Variants in NALF1 observed in about 807,000 individuals in gnomAD.
NALF1 encodes NALCN channel auxiliary factor 1, also known as family with sequence similarity 155 member A.
A neutral mutation model predicts 48.4 loss-of-function variants in NALF1; 3 were observed. The ratio of observed to expected loss-of-function variants is 0.06; its 90% CI spans 0.03 to 0.16. The LOEUF is 0.16. NALF1 is among the 10% of genes least tolerant of loss of function. NALF1 has a pLI of 1.00. For synonymous variants in NALF1, 262 were observed against 245.7 expected, an observed-to-expected ratio of 1.07 and a Z score of -0.62; for missense variants, 526 against 571.5, an observed-to-expected ratio of 0.92 and a Z score of 0.81.
At position 107,711,776 on chromosome 13, in the gene NALF1, T is replaced by C. The variant is rs549790114; in HGVS notation, c.915+153906A>G. Among the ~76,000 whole-genome samples, 8 of 152,358 alleles carry C rather than the reference T, an allele frequency of 5.3e-5. No individual in the cohort carries two copies. In the East Asian group the frequency reaches 1.5e-3, roughly 29 times the overall value. On this transcript the variant is annotated intron_variant, in intron 1 of 2. Transcript: ENST00000375915. ...AAATTTCAAACAGCATTCTCAAGACTACTTCTAAAAACTACTACTTCTAGA... is the reference window on the plus strand; with the variant it reads ...AAATTTCAAACAGCATTCTCAAGACCACTTCTAAAAACTACTACTTCTAGA...
intron 1 of NALF1, among the ~76,000 whole-genome samples, chr13:107,751,039 C>T (rs548519451): frequency 6.6e-6 from 1 of 152,290 alleles, no homozygotes; most frequent in South Asian, 2.1e-4. Context: ...TCTCTTTCAA[C>T]TACAAAATGG....
chr13:107,553,022 T>C (rs186819952), intron 1 of NALF1, among the ~76,000 whole-genome samples: 13 of 152,226 alleles, frequency 8.5e-5, no homozygotes, highest in Admixed American at 3.9e-4. Flanking sequence ...CTTCCTTCAG[T>C]TTATAAGATT....
chr13:107,525,298 G>A (rs1204387576), intron 1 of NALF1, among the ~76,000 whole-genome samples: 1 of 151,998 alleles, frequency 6.6e-6, no homozygotes, highest in Non-Finnish European at 1.5e-5. Context: ...TGAAGTTGAT[G>A]GTCAATAATC....
chr13:107,542,927 TA>T (rs1472306872), intron 1 of NALF1, among the ~76,000 whole-genome samples: 14 of 152,112 alleles, frequency 9.2e-5, no homozygotes, highest in African/African-American at 3.4e-4. Context: ...GATAATTATA[TA>T]AATGTTCTTT....
chr13:107,866,310 CGCTGCTGCTGCTGCTGCTGCCGCT>C lies in NALF1; in HGVS notation c.263_286del (p.Gln88_Gln95del), dbSNP rs1293977900. On this transcript the variant is annotated inframe_deletion, in exon 1 of 3. Transcript: ENST00000375915. The surrounding 1 kb of genome is among the most constrained non-coding windows in gnomAD (Gnocchi z 4.4). ...GGGCCAGGAGGGCTCCTGCTGCCGCCGCTGCTGCTGCTGCTGCTGCCGCTGCCTCTGCTGCTGCTGCTGCTGCTG... is the reference window on the plus strand; with the variant it reads ...GGGCCAGGAGGGCTCCTGCTGCCGCCGCCTCTGCTGCTGCTGCTGCTGCTG... 1 of 1,602,868 alleles carries C rather than the reference CGCTGCTGCTGCTGCTGCTGCCGCT, an allele frequency of 6.2e-7. No individual in the cohort carries two copies. The highest frequency in any genetic ancestry group is 1.3e-5 in the African/African-American group (1 of 74,738).
intron 2 of NALF1, among the ~76,000 whole-genome samples, chr13:107,176,105 T>C (rs1235461908): frequency 6.6e-6 from 1 of 152,186 alleles, no homozygotes; most frequent in East Asian, 1.9e-4. Flanking sequence ...GAAGAAATTA[T>C]AAAAACATAT....
chr13:107,345,531 G>A (rs556693380), intron 1 of NALF1, among the ~76,000 whole-genome samples: 114 of 152,192 alleles, frequency 7.5e-4, no homozygotes, highest in African/African-American at 2.6e-3. Context: ...TCTTTGACAA[G>A]CATGCAAAGT....
chr13:107,779,057 C>T (rs1396257888), intron 1 of NALF1, among the ~76,000 whole-genome samples: 1 of 152,102 alleles, frequency 6.6e-6, no homozygotes, highest in Admixed American at 6.6e-5. Flanking sequence ...TTATGAGAAG[C>T]TAATTATTTC....
At chr13:107,771,663 G>A (rs1447743696) in intron 1 of NALF1, among the ~76,000 whole-genome samples, 1 of 152,006 alleles carries the variant, frequency 6.6e-6, no homozygotes, top group Non-Finnish European at 1.5e-5. Context: ...TACTGTTAAG[G>A]GAACAAATTA....
At chr13:107,639,254 A>G (rs1880080602) in intron 1 of NALF1, among the ~76,000 whole-genome samples, 1 of 152,120 alleles carries the variant, frequency 6.6e-6, no homozygotes, top group Non-Finnish European at 1.5e-5. Flanking sequence ...CTTTCATAGT[A>G]TATGGCCTGC....
At chr13:107,660,021 G>T (rs933590750) in intron 1 of NALF1, among the ~76,000 whole-genome samples, 4 of 151,640 alleles carry the variant, frequency 2.6e-5, no homozygotes, top group African/African-American at 9.7e-5. Flanking sequence ...ATGAGCCACC[G>T]CACCTGGCCA....
In NALF1 at chr13:107,784,670, A is replaced by C. The variant is rs564526127; in HGVS notation, c.915+81012T>G. ...AAAATGCTCAACATCATTAATGATC[A>C]GGGAAATGCAAAATAAAACCACAAT... On this transcript the variant is annotated intron_variant, in intron 1 of 2. Transcript: ENST00000375915. 2.6e-5 allele frequency among the ~76,000 whole-genome samples: 4 copies of C among 152,326 alleles called. No individual in the cohort carries two copies. The South Asian group carries it at 8.3e-4, about 32-fold the overall frequency.
chr13:107,537,505 C>T (rs184132397), intron 1 of NALF1, among the ~76,000 whole-genome samples: 3 of 152,046 alleles, frequency 2.0e-5, no homozygotes, highest in African/African-American at 2.4e-5. Context: ...TTTGTCATTG[C>T]CACAATATTT....
At chr13:107,420,781 A>G (rs75215389) in intron 1 of NALF1, among the ~76,000 whole-genome samples, 42 of 152,342 alleles carry the variant, frequency 2.8e-4, no homozygotes, top group African/African-American at 1.0e-3. Context: ...TGGTCAAGTC[A>G]GAGCTTTTGG....
intron 1 of NALF1, among the ~76,000 whole-genome samples, chr13:107,791,178 A>T (rs972165170): frequency 1.3e-5 from 2 of 152,250 alleles, no homozygotes; most frequent in African/African-American, 4.8e-5. Flanking sequence ...TGGTGAGAAT[A>T]TAAAATGGTA....
At position 107,371,891 on chromosome 13, in the gene NALF1, T is replaced by A. The variant is rs1441859616; in HGVS notation, c.916-161136A>T. 2.0e-5 allele frequency among the ~76,000 whole-genome samples: 3 copies of A among 152,252 alleles called. No homozygotes were observed. In the East Asian group the frequency reaches 5.8e-4, roughly 29 times the overall value. ...TTTAGAAATGTCTAAACATATCTTTTGAAATAAAAATTTAATCAAGCTTTT... is the reference window on the plus strand; with the variant it reads ...TTTAGAAATGTCTAAACATATCTTTAGAAATAAAAATTTAATCAAGCTTTT... On this transcript the variant is annotated intron_variant, in intron 1 of 2. Coordinates refer to ENST00000375915, the MANE Select transcript of NALF1 (RefSeq NM_001080396.3).
In NALF1 at chr13:107,233,012, C is replaced by T. The variant is rs549787491; in HGVS notation, c.916-22257G>A. On this transcript the variant is annotated intron_variant, in intron 1 of 2. Coordinates refer to ENST00000375915, the MANE Select transcript of NALF1 (RefSeq NM_001080396.3). Reference sequence around the variant, plus strand: ...GTTGCAAGATTGGATCCAAACGGACCACCTTCAGTCCCCATATTCTTTTCT... The same window carrying T: ...GTTGCAAGATTGGATCCAAACGGACTACCTTCAGTCCCCATATTCTTTTCT... Among the ~76,000 whole-genome samples the T allele has an allele frequency of 1.4e-4, 21 of 152,270 alleles. No homozygotes were observed. The South Asian group carries it at 4.3e-3, about 31-fold the overall frequency.
Position 107,164,996 on chromosome 13 carries a change from A to G in NALF1, c.*5501T>C, listed in dbSNP as rs1351240671. The G allele has an allele frequency of 1.3e-5, 2 of 152,188 alleles. No homozygotes were observed. The highest frequency in any genetic ancestry group is 2.9e-5 in the Non-Finnish European group (2 of 68,052). 9.4% of individuals were successfully genotyped at this position (152,188 alleles called of 1,614,324 possible). ...TAAGCCTCCAATGTTGCCACGAAGT[A>G]TTCTTCTTGCATGAGGTGTCACGTA... On this transcript the variant is annotated 3_prime_UTR_variant, in exon 3 of 3. Transcript: ENST00000375915.
chr13:107,266,784 C>A (rs1378262695), intron 1 of NALF1, among the ~76,000 whole-genome samples: 1 of 152,202 alleles, frequency 6.6e-6, no homozygotes, highest in Non-Finnish European at 1.5e-5. Context: ...ATTATTAACA[C>A]AACTCCTGTC....
Sources: gnomAD v4.1 joint callset for allele counts (sites outside exome capture counted in the v4.1 genomes callset) on GRCh38, gnomAD v4.1.1 for gene constraint, Gnocchi (gnomAD v3.1) non-coding constraint, MANE v1.5 for transcripts, NCBI Gene and HGNC (gene_info 2026-07-23, HGNC 2026-07-21) for gene names.